The following HCN1 variants were observed in gnomAD, a reference collection of about 807,000 sequenced individuals.
The protein encoded by HCN1 is potassium/sodium hyperpolarization-activated cyclic nucleotide-gated channel 1.
Under a neutral mutation model 78.9 loss-of-function variants are expected in HCN1, and 13 were observed. The observed-to-expected ratio is 0.16, with a 90% CI of 0.11 to 0.26. The LOEUF is 0.26. Ranked by LOEUF, HCN1 falls within the 10% of genes least tolerant of loss-of-function variation. The pLI is 1.00. For missense variants in HCN1, 810 were observed against 1,154.3 expected (o/e 0.70, Z 4.32); for synonymous variants, 552 against 455.5 (o/e 1.21, Z -2.70).
intron 5 of HCN1, among the ~76,000 whole-genome samples, chr5:45,344,920 C>T: frequency 6.6e-6 from 1 of 152,188 alleles, no homozygotes; most frequent in East Asian, 1.9e-4. Flanking sequence ...CCAGTGGAGA[C>T]TCCCTGTGGG....
At chr5:45,345,587 G>T (rs894303835) in intron 5 of HCN1, among the ~76,000 whole-genome samples, 2 of 152,080 alleles carry the variant, frequency 1.3e-5, no homozygotes, top group African/African-American at 2.4e-5. Context: ...TATGGCAGGG[G>T]CAAAATGCCA....
intron 4 of HCN1, among the ~76,000 whole-genome samples, chr5:45,369,266 A>T (rs2112001933): frequency 6.6e-6 from 1 of 152,126 alleles, no homozygotes; most frequent in South Asian, 2.1e-4. Flanking sequence ...ATGAATTTGT[A>T]TGTGTATGAT....
intron 5 of HCN1, among the ~76,000 whole-genome samples, chr5:45,323,197 G>T (rs1212896544): frequency 2.0e-5 from 3 of 151,734 alleles, no homozygotes; most frequent in Non-Finnish European, 4.4e-5. Flanking sequence ...AAGATGTGAT[G>T]CAAGTATTAA....
intron 2 of HCN1, among the ~76,000 whole-genome samples, chr5:45,581,339 T>C (rs924570392): frequency 6.6e-6 from 1 of 152,230 alleles, no homozygotes; most frequent in Non-Finnish European, 1.5e-5. Flanking sequence ...TGTCTGTTTG[T>C]ATCCTTCACC....
At chr5:45,481,089 A>T (rs185203713) in intron 2 of HCN1, among the ~76,000 whole-genome samples, 147 of 152,344 alleles carry the variant, frequency 9.6e-4, no homozygotes, top group Non-Finnish European at 1.4e-3. Flanking sequence ...CTAACAGTTC[A>T]GTAAAAGCTA....
chr5:45,411,736 A>C (rs1740027979), intron 3 of HCN1, among the ~76,000 whole-genome samples: 1 of 152,096 alleles, frequency 6.6e-6, no homozygotes, highest in African/African-American at 2.4e-5. Flanking sequence ...GAAATGGGCA[A>C]AATAATTAAA....
At chr5:45,295,153 T>G (rs377568964) in intron 6 of HCN1, among the ~76,000 whole-genome samples, 1 of 151,934 alleles carries the variant, frequency 6.6e-6, no homozygotes, top group East Asian at 1.9e-4. Flanking sequence ...ACAAATCTCC[T>G]TAAGCTCTTT....
chr5:45,344,931 G>T (rs1342200187), intron 5 of HCN1, among the ~76,000 whole-genome samples: 1 of 152,158 alleles, frequency 6.6e-6, no homozygotes, highest in African/African-American at 2.4e-5. Context: ...TCCCTGTGGG[G>T]GTTCTGACCT....
chr5:45,503,951 A>G (rs1188972787), intron 2 of HCN1, among the ~76,000 whole-genome samples: 4 of 151,862 alleles, frequency 2.6e-5, no homozygotes, highest in Non-Finnish European at 5.9e-5. Context: ...ACACCCAGCT[A>G]ATTTTTGTAT....
At chr5:45,317,985 A>G (rs1193376347) in intron 5 of HCN1, among the ~76,000 whole-genome samples, 1 of 152,200 alleles carries the variant, frequency 6.6e-6, no homozygotes, top group Non-Finnish European at 1.5e-5. Flanking sequence ...AACTAGTTCA[A>G]CCATTGTGGA....
At chr5:45,499,220 T>C (rs543332073) in intron 2 of HCN1, among the ~76,000 whole-genome samples, 1 of 152,286 alleles carries the variant, frequency 6.6e-6, no homozygotes, top group East Asian at 1.9e-4. Context: ...ATTGCTGTGC[T>C]AGTAATCAGC....
chr5:45,318,723 C>T (rs552419667), intron 5 of HCN1, among the ~76,000 whole-genome samples: 5 of 151,352 alleles, frequency 3.3e-5, no homozygotes, highest in Admixed American at 6.6e-5. Flanking sequence ...TTTAAAGTTA[C>T]AACATAACTT....
intron 5 of HCN1, among the ~76,000 whole-genome samples, chr5:45,307,394 G>A (rs916939413): frequency 5.9e-5 from 9 of 152,062 alleles, no homozygotes; most frequent in African/African-American, 1.9e-4. Flanking sequence ...AAGGAAAAGA[G>A]GGGAAAAGTA....
chr5:45,424,682 A>T (rs1427702031), intron 3 of HCN1, among the ~76,000 whole-genome samples: 1 of 152,152 alleles, frequency 6.6e-6, no homozygotes, highest in Non-Finnish European at 1.5e-5. Context: ...CCTATTATAT[A>T]TATTTTTGCT....
At chr5:45,401,859 T>C (rs1336820029) in intron 3 of HCN1, among the ~76,000 whole-genome samples, 1 of 152,060 alleles carries the variant, frequency 6.6e-6, no homozygotes. Flanking sequence ...GTTTAGCCAC[T>C]TTTATACTGA....
Position 45,528,193 on chromosome 5 carries a change from CT to C in HCN1, c.850-66187del, listed in dbSNP as rs368908667. Among the ~76,000 whole-genome samples the C allele has an allele frequency of 5.5e-4, 83 of 151,976 alleles. No homozygotes were observed. In the East Asian group the frequency reaches 0.016, roughly 29 times the overall value. On this transcript the variant is annotated intron_variant, in intron 2 of 7. Coordinates refer to ENST00000303230, the MANE Select transcript of HCN1 (RefSeq NM_021072.4). ...TATAATAATATATTCTGGAAGAATA[CT>C]TTTCCTTCAAATATCTGTCTGACCT...
In HCN1 at chr5:45,632,279, T is replaced by TTGTG. The variant is rs139925464; in HGVS notation, c.849+12902_849+12905dup. The stretch of plus-strand genomic sequence containing the variant: ...TCCTTGATCCAATGCTAATGTTCCA[T>TTGTG]TGTGTGTGTGTGTGTGTGTGTGTGT... On this transcript the variant is annotated intron_variant, in intron 2 of 7. Coordinates refer to ENST00000303230, the MANE Select transcript of HCN1 (RefSeq NM_021072.4). Among the ~76,000 whole-genome samples, 349 of 147,788 alleles carry TTGTG rather than the reference T, an allele frequency of 2.4e-3. 1 individual carries two copies. Among genetic ancestry groups the TTGTG allele is most frequent in the Middle Eastern group, 7.0e-3 (2 of 286 alleles).
intron 5 of HCN1, among the ~76,000 whole-genome samples, chr5:45,341,854 C>T (rs1199429368): frequency 6.6e-6 from 1 of 152,168 alleles, no homozygotes; most frequent in Non-Finnish European, 1.5e-5. Flanking sequence ...AGTCTTCCAC[C>T]ACTACAACAC....
chr5:45,594,866 A>G (rs138426330), intron 2 of HCN1, among the ~76,000 whole-genome samples: 1 of 152,288 alleles, frequency 6.6e-6, no homozygotes, highest in East Asian at 1.9e-4. Context: ...GTGTAGGTAT[A>G]AAGAATGAAA....
Sources: allele counts gnomAD v4.1 joint callset (sites outside exome capture counted in the v4.1 genomes callset), GRCh38; gene constraint gnomAD v4.1.1; transcripts MANE v1.5; gene names NCBI Gene and HGNC (gene_info 2026-07-23, HGNC 2026-07-21).